Variants in UBXN7 observed in about 807,000 individuals in gnomAD.
The protein encoded by UBXN7 is UBX domain-containing protein 7.
In UBXN7, 9 loss-of-function variants were observed where a neutral mutation model predicts 58.0. That is an observed-to-expected ratio of 0.16 (90% CI 0.09 to 0.27). The LOEUF is 0.27. UBXN7 is among the 10% of genes least tolerant of loss of function. UBXN7 has a pLI of 1.00. For missense variants in UBXN7, 328 were observed against 599.6 expected (o/e 0.55, Z 4.73); for synonymous variants, 208 against 205.0 (o/e 1.01, Z -0.12).
chr3:196,431,754 C>G (rs962087459), intron 1 of UBXN7: 3 of 450,036 alleles, frequency 6.7e-6, no homozygotes, highest in Non-Finnish European at 1.3e-5. Flanking sequence ...GCCTGTCCCC[C>G]GTGAAGTGTA....
chr3:196,371,339 A>G (rs750381638), intron 6 of UBXN7, among the ~76,000 whole-genome samples: 2 of 152,220 alleles, frequency 1.3e-5, no homozygotes, highest in Non-Finnish European at 2.9e-5. Context: ...TTTTTGTATT[A>G]GTTATATAGA....
chr3:196,364,003 T>C (rs903136641), intron 8 of UBXN7, among the ~76,000 whole-genome samples: 12 of 152,048 alleles, frequency 7.9e-5, no homozygotes, highest in African/African-American at 2.7e-4. Context: ...AATTAAAAGT[T>C]TTAACTATAA....
At chr3:196,414,773 GCTCA>G (rs1730429703) in intron 1 of UBXN7, 1 of 152,058 alleles carries the variant, frequency 6.6e-6, no homozygotes, top group South Asian at 2.1e-4. Context: ...GACTTTAAAA[GCTCA>G]CTCAACTAGC....
At chr3:196,377,811 C>T (rs1307730331) in intron 5 of UBXN7, among the ~76,000 whole-genome samples, 1 of 151,956 alleles carries the variant, frequency 6.6e-6, no homozygotes, top group Non-Finnish European at 1.5e-5. Context: ...CTGGGGACCA[C>T]AGGTGTGCAC....
intron 1 of UBXN7, among the ~76,000 whole-genome samples, chr3:196,412,269 A>T: frequency 6.7e-6 from 1 of 148,660 alleles, no homozygotes. Context: ...AAAAAGCATG[A>T]ATATACAACG....
chr3:196,361,954 ACGGG>A, intron 9 of UBXN7, 31 bp from the exon 10 acceptor site: 1 of 1,471,160 alleles, frequency 6.8e-7, no homozygotes, highest in Non-Finnish European at 9.4e-7. Context: ...AAAAAAAAAA[ACGGG>A]ATACAGGAGT....
chr3:196,413,806 G>A (rs1341419719), intron 1 of UBXN7, among the ~76,000 whole-genome samples: 1 of 152,084 alleles, frequency 6.6e-6, no homozygotes, highest in Non-Finnish European at 1.5e-5. Context: ...ATTTGAGAAT[G>A]CTCAAGTTCT....
chr3:196,370,392 G>A (rs1046265496), intron 6 of UBXN7, among the ~76,000 whole-genome samples: 9 of 151,370 alleles, frequency 5.9e-5, no homozygotes, highest in African/African-American at 2.2e-4. Flanking sequence ...GTTAGAGCCT[G>A]CAGTGAGCTA....
chr3:196,422,890 C>T (rs1431180766), intron 1 of UBXN7, among the ~76,000 whole-genome samples: 1 of 152,174 alleles, frequency 6.6e-6, no homozygotes, highest in Non-Finnish European at 1.5e-5. Flanking sequence ...AACCACAGTA[C>T]AACCATACAA....
chr3:196,391,695 CTG>C, intron 5 of UBXN7, 116 bp downstream of exon 5: 1 of 673,076 alleles, frequency 1.5e-6, no homozygotes, highest in South Asian at 1.9e-5. Context: ...GATTGTGTCA[CTG>C]CAGTCCAGCC....
rs190662010 is a variant in UBXN7 at position 196,420,960 on chromosome 3, C to A, written c.73+11367G>T. The stretch of plus-strand genomic sequence containing the variant: ...CATCCCTCTATAGAAATGATAGGGA[C>A]AAGAGGTTACTTTTCGGTTCCACAT... On this transcript the variant is annotated intron_variant, in intron 1 of 10. Transcript: ENST00000296328. Among the ~76,000 whole-genome samples, 166 of 152,260 alleles carry A rather than the reference C, an allele frequency of 1.1e-3. 1 individual carries two copies. Among genetic ancestry groups the A allele is most frequent in the Admixed American group, 9.6e-3 (147 of 15,274 alleles).
At chr3:196,376,734 G>GT (rs1244765024) in intron 5 of UBXN7, among the ~76,000 whole-genome samples, 6 of 151,486 alleles carry the variant, frequency 4.0e-5, no homozygotes, top group South Asian at 2.1e-4. Context: ...TAAAATGTGG[G>GT]TTTTTTTTCC....
Position 196,362,311 on chromosome 3 carries a change from T to C in UBXN7, c.1211A>G (p.Glu404Gly). Residue 404 changes from glutamate to glycine, a missense_variant, in exon 9 of 11, where the codon GAG becomes GGG. Glu to Gly is a moderately conservative substitution (Grantham distance 98). Transcript: ENST00000296328. ...MPPEKADGVV[E>G]GIDVNGPKAQ... Reference sequence around the variant, plus strand: ...TAACTTACCATTTACATCTATCCCCTCCACTACTCCATCTGCTTTTTCAGG... The same window carrying C: ...TAACTTACCATTTACATCTATCCCCCCCACTACTCCATCTGCTTTTTCAGG... 2 of 1,607,426 alleles carry C rather than the reference T, an allele frequency of 1.2e-6. No individual in the cohort carries two copies. Among genetic ancestry groups the C allele is most frequent in the Non-Finnish European group, 1.7e-6 (2 of 1,177,828 alleles).
intron 5 of UBXN7, among the ~76,000 whole-genome samples, chr3:196,377,763 C>A (rs866014857): frequency 6.6e-6 from 1 of 152,060 alleles, no homozygotes; most frequent in Non-Finnish European, 1.5e-5. Context: ...ACCTCCTGGG[C>A]TCAAGCGATC....
rs576827273 is a variant in UBXN7 at position 196,351,998 on chromosome 3, G to C, written c.*4687C>G. On this transcript the variant is annotated 3_prime_UTR_variant, in exon 11 of 11. Coordinates refer to ENST00000296328, the MANE Select transcript of UBXN7 (RefSeq NM_015562.2). ...ATAATCCTTTCCTACTTGGGTACTG[G>C]TTATGCCTTAGTGGCAGAACTTCAT... 2.6e-5 allele frequency: 4 copies of C among 152,154 alleles called. No individual in the cohort carries two copies. Among genetic ancestry groups the C allele is most frequent in the Non-Finnish European group, 2.9e-5 (2 of 68,016 alleles). The allele number at this position is 152,154 out of a possible 1,614,324, so 9.4% of individuals were successfully genotyped here. A position where few individuals can be genotyped will look rare whatever the true frequency, so the allele number is the denominator to read the frequency against.
At chr3:196,365,560 C>A (rs1728641169) in intron 8 of UBXN7, among the ~76,000 whole-genome samples, 1 of 152,114 alleles carries the variant, frequency 6.6e-6, no homozygotes, top group Non-Finnish European at 1.5e-5. Context: ...ATGCCACACC[C>A]CAGCTGGTTC....
Position 196,356,388 on chromosome 3 carries a change from G to A in UBXN7, c.*297C>T, listed in dbSNP as rs1728349738. On this transcript the variant is annotated 3_prime_UTR_variant, in exon 11 of 11. Coordinates refer to ENST00000296328, the MANE Select transcript of UBXN7 (RefSeq NM_015562.2). ...CACACAATTCCTGCTGCTAGTACTA[G>A]GAGAGGTCTTATCCTTACACTTCAG... 4.1e-6 allele frequency: 1 copy of A among 242,542 alleles called. No homozygotes were observed. Among genetic ancestry groups the A allele is most frequent in the Non-Finnish European group, 7.9e-6 (1 of 127,038 alleles). 15.0% of individuals were successfully genotyped at this position (242,542 alleles called of 1,614,324 possible). A position where few individuals can be genotyped will look rare whatever the true frequency, so the allele number is the denominator to read the frequency against.
At chr3:196,405,731 T>C (rs1730143342) in intron 2 of UBXN7, among the ~76,000 whole-genome samples, 1 of 152,090 alleles carries the variant, frequency 6.6e-6, no homozygotes, top group South Asian at 2.1e-4. Context: ...AGGGTATCTG[T>C]ACCAAGACTG....
At chr3:196,397,107 T>A (rs1194577045) in intron 3 of UBXN7, among the ~76,000 whole-genome samples, 3 of 152,216 alleles carry the variant, frequency 2.0e-5, no homozygotes, top group African/African-American at 7.2e-5. Flanking sequence ...AGACTATTAC[T>A]GCTACCTGCC....
Sources: allele counts gnomAD v4.1 joint callset (sites outside exome capture counted in the v4.1 genomes callset), GRCh38; gene constraint gnomAD v4.1.1; transcripts MANE v1.5; gene names NCBI Gene and HGNC (gene_info 2026-07-23, HGNC 2026-07-21).